Variants in RPS6KA2 observed in about 807,000 individuals in gnomAD.
RPS6KA2 encodes the protein ribosomal protein S6 kinase A2.
A neutral mutation model predicts 91.8 loss-of-function variants in RPS6KA2; 42 were observed. That is an observed-to-expected ratio of 0.46 (90% CI 0.36 to 0.59). The LOEUF (loss-of-function observed/expected upper bound fraction) is 0.59. RPS6KA2 is among the 20% of genes least tolerant of loss of function. The probability of loss-of-function intolerance (pLI) is 0.00; values close to 1 mark genes in which losing one functional copy is unlikely to be tolerated. For missense variants in RPS6KA2, 798 were observed against 978.5 expected, an observed-to-expected ratio of 0.82 and a Z score of 2.46; for synonymous variants, 414 against 393.6, an observed-to-expected ratio of 1.05 and a Z score of -0.61.
chr6:166,499,877 A>C (rs1019548650), intron 7 of RPS6KA2, among the ~76,000 whole-genome samples: 4 of 152,152 alleles, frequency 2.6e-5, no homozygotes, highest in Admixed American at 2.0e-4. Context: ...TAATACAGGG[A>C]CTTTCAGAAC....
chr6:166,830,954 C>T (rs1029071726), intron 2 of RPS6KA2, among the ~76,000 whole-genome samples: 1 of 152,226 alleles, frequency 6.6e-6, no homozygotes, highest in Non-Finnish European at 1.5e-5. Flanking sequence ...GACCCAGGCT[C>T]TCCCTTGGGC....
chr6:166,668,181 G>C (rs1788371995), intron 2 of RPS6KA2, among the ~76,000 whole-genome samples: 1 of 152,130 alleles, frequency 6.6e-6, no homozygotes, highest in South Asian at 2.1e-4. Context: ...TGGTTTCCCT[G>C]AGCATTTGGA....
At chr6:166,659,166 AT>A (rs1788086378) in intron 2 of RPS6KA2, among the ~76,000 whole-genome samples, 2 of 72,404 alleles carry the variant, frequency 2.8e-5, no homozygotes, top group South Asian at 5.1e-4. Context: ...CATGAAGAAA[AT>A]GAGCATGAAG....
intron 2 of RPS6KA2, among the ~76,000 whole-genome samples, chr6:166,741,233 C>T (rs766482444): frequency 3.0e-4 from 45 of 152,230 alleles, no homozygotes; most frequent in Non-Finnish European, 5.4e-4. Flanking sequence ...TATGTAAAGA[C>T]GTGGATAAGA....
At chr6:166,643,490 G>A (rs980999443) in intron 2 of RPS6KA2, among the ~76,000 whole-genome samples, 6 of 152,274 alleles carry the variant, frequency 3.9e-5, no homozygotes, top group Non-Finnish European at 8.8e-5. Flanking sequence ...ATTGATGAAC[G>A]TTTCAATTCA....
exon 1 of RPS6KA2, chr6:166,862,134 T>A: frequency 6.2e-7 from 1 of 1,614,260 alleles, no homozygotes; most frequent in Non-Finnish European, 8.5e-7. Context: ...TCCACCTCGA[T>A]CTTTTTCCAT....
At position 166,626,661 on chromosome 6, in the gene RPS6KA2, G is replaced by A. The variant is rs904756219; in HGVS notation, c.99+260C>T. Among the ~76,000 whole-genome samples the A allele has an allele frequency of 1.3e-5, 2 of 152,224 alleles. No homozygotes were observed. Among genetic ancestry groups the A allele is most frequent in the Admixed American group, 1.3e-4 (2 of 15,288 alleles). On this transcript the variant is annotated intron_variant, in intron 1 of 20. Transcript: ENST00000265678. The surrounding 1 kb of genome is among the most constrained non-coding windows in gnomAD (Gnocchi z 4.1). ...AGGGGACCATCCCACACCCCGTGCA[G>A]CCAGCGGCGGAGAAACCAGCTGGAA...
intron 12 of RPS6KA2, among the ~76,000 whole-genome samples, chr6:166,452,026 C>T (rs1779932396): frequency 6.6e-6 from 1 of 152,162 alleles, no homozygotes; most frequent in Non-Finnish European, 1.5e-5. Context: ...GGAAGGAATT[C>T]TGATAGCTAC....
At chr6:166,714,908 C>G (rs1366576828) in intron 2 of RPS6KA2, among the ~76,000 whole-genome samples, 3 of 152,348 alleles carry the variant, frequency 2.0e-5, no homozygotes, top group South Asian at 4.1e-4. Context: ...GTGCTGGGCC[C>G]GTATTCTGGT....
In RPS6KA2 at chr6:166,776,362, C is replaced by A. The variant is rs924259946; in HGVS notation, c.123+81838G>T. On this transcript the variant is annotated intron_variant, in intron 2 of 21. Coordinates refer to the RPS6KA2 transcript ENST00000503859. ...TCCCCGCACTGACTTTGAGACCGTC[C>A]TGGGGGCATTTTCCGTTTCTGTAAT... 2.0e-5 allele frequency among the ~76,000 whole-genome samples: 3 copies of A among 152,330 alleles called. No individual in the cohort carries two copies. The South Asian group carries it at 6.2e-4, about 32-fold the overall frequency.
At chr6:166,488,741 C>T (rs1484287936) in intron 10 of RPS6KA2, 92 bp downstream of exon 10, 9 of 951,948 alleles carry the variant, frequency 9.5e-6, no homozygotes, top group Non-Finnish European at 1.3e-5. Flanking sequence ...GGCATTGGGC[C>T]GGAGCAGGAG....
At chr6:166,855,270 T>A (rs1330013745) in intron 2 of RPS6KA2, among the ~76,000 whole-genome samples, 4 of 152,108 alleles carry the variant, frequency 2.6e-5, no homozygotes, top group Admixed American at 6.6e-5. Context: ...AAGTCCAGAA[T>A]TCATGACTAC....
chr6:166,744,418 C>A (rs1164737236), intron 2 of RPS6KA2, among the ~76,000 whole-genome samples: 1 of 152,126 alleles, frequency 6.6e-6, no homozygotes, highest in South Asian at 2.1e-4. Context: ...GGGAGCGTTG[C>A]TGCCCGCTGA....
rs1293405945 is a variant in RPS6KA2 at position 166,429,292 on chromosome 6, G to C, written c.1581+1161C>G. 6.0e-3 allele frequency among the ~76,000 whole-genome samples: 723 copies of C among 120,546 alleles called. 5 individuals carry two copies. Among genetic ancestry groups the C allele is most frequent in the African/African-American group, 4.7e-3 (148 of 31,706 alleles). 79.1% of individuals were successfully genotyped at this position (120,546 alleles called of 152,430 possible). Reference sequence around the variant, plus strand: ...CATACTCTGGGGACTGTTGTGGGGTGGGGGGAGGGGGGGAGGGATAGCATT... The same window carrying C: ...CATACTCTGGGGACTGTTGTGGGGTCGGGGGAGGGGGGGAGGGATAGCATT... On this transcript the variant is annotated intron_variant, in intron 16 of 20. Transcript: ENST00000265678.
intron 2 of RPS6KA2, among the ~76,000 whole-genome samples, chr6:166,700,931 T>A (rs534963515): frequency 6.6e-6 from 1 of 152,302 alleles, no homozygotes; most frequent in African/African-American, 2.4e-5. Flanking sequence ...AAGTACACAT[T>A]CTCACAGAGA....
At chr6:166,667,032 G>A (rs1002024289) in intron 2 of RPS6KA2, among the ~76,000 whole-genome samples, 2 of 152,202 alleles carry the variant, frequency 1.3e-5, no homozygotes, top group African/African-American at 2.4e-5. Flanking sequence ...CTTACGTGAG[G>A]TACCGAGAAT....
intron 2 of RPS6KA2, among the ~76,000 whole-genome samples, chr6:166,692,390 C>A (rs1161444064): frequency 6.6e-6 from 1 of 152,076 alleles, no homozygotes; most frequent in Non-Finnish European, 1.5e-5. Flanking sequence ...CTGTCGAACC[C>A]AGGGACCAGC....
At chr6:166,570,289 G>A (rs976722700) in intron 1 of RPS6KA2, among the ~76,000 whole-genome samples, 9 of 152,116 alleles carry the variant, frequency 5.9e-5, no homozygotes, top group African/African-American at 1.9e-4. Flanking sequence ...GGCAGTCACC[G>A]CCTCCTCAAA....
chr6:166,522,993 A>C (rs1782910820), intron 3 of RPS6KA2, among the ~76,000 whole-genome samples: 1 of 152,250 alleles, frequency 6.6e-6, no homozygotes, highest in Non-Finnish European at 1.5e-5. Context: ...AATCTTTGTC[A>C]GAAAAATCTT....
Sources: gnomAD v4.1 joint callset for allele counts (sites outside exome capture counted in the v4.1 genomes callset) on GRCh38, gnomAD v4.1.1 for gene constraint, Gnocchi (gnomAD v3.1) non-coding constraint, MANE v1.5 for transcripts, NCBI Gene and HGNC (gene_info 2026-07-23, HGNC 2026-07-21) for gene names.